Variants in PAK5 observed in about 807,000 individuals in gnomAD.
PAK5 encodes the protein serine/threonine-protein kinase PAK 5.
PAK5 carries 16 observed loss-of-function variants against 65.9 expected under a neutral mutation model. The observed-to-expected ratio is 0.24, with a 90% CI of 0.16 to 0.37. The LOEUF (loss-of-function observed/expected upper bound fraction) is 0.37. PAK5 is among the 10% of genes least tolerant of loss of function. PAK5 has a pLI of 1.00. For missense variants in PAK5, 785 were observed against 903.9 expected (o/e 0.87, Z 1.69); for synonymous variants, 371 against 354.9 (o/e 1.05, Z -0.51).
rs562286213 is a variant in PAK5 at position 9,747,045 on chromosome 20, T to C, written c.-161-35610A>G. On this transcript the variant is annotated intron_variant, in intron 1 of 9. Coordinates refer to ENST00000353224, the MANE Select transcript of PAK5 (RefSeq NM_177990.4). The stretch of plus-strand genomic sequence containing the variant: ...AGGAATACAAATTACCATCAGAGAA[T>C]ACTACAAACACCTCTACGCAAAAAA... 1.6e-3 allele frequency among the ~76,000 whole-genome samples: 242 copies of C among 152,224 alleles called. 2 individuals carry two copies. The highest frequency in any genetic ancestry group is 2.3e-3 in the Non-Finnish European group (154 of 68,012).
At chr20:9,556,404 G>A (rs1003547944) in intron 7 of PAK5, among the ~76,000 whole-genome samples, 2 of 152,212 alleles carry the variant, frequency 1.3e-5, no homozygotes, top group Non-Finnish European at 1.5e-5. Flanking sequence ...AAGCCAAAGT[G>A]CTTGGACAGT....
intron 1 of PAK5, among the ~76,000 whole-genome samples, chr20:9,743,557 G>T (rs1363197201): frequency 6.6e-6 from 1 of 152,050 alleles, no homozygotes; most frequent in Non-Finnish European, 1.5e-5. Flanking sequence ...GCAGAAAAGG[G>T]GATCTTTAGG....
intron 3 of PAK5, among the ~76,000 whole-genome samples, chr20:9,637,227 C>G (rs188556760): frequency 1.3e-5 from 2 of 152,236 alleles, no homozygotes; most frequent in East Asian, 3.9e-4. Context: ...CCAGGTTGGT[C>G]TCAAACTCCT....
intron 1 of PAK5, among the ~76,000 whole-genome samples, chr20:9,754,149 C>A (rs777381507): frequency 1.5e-4 from 23 of 152,116 alleles, no homozygotes; most frequent in Admixed American, 6.6e-5. Context: ...TTGTTGGTAA[C>A]CACTGAAAAT....
chr20:9,559,965 T>C (rs917853053), intron 6 of PAK5, among the ~76,000 whole-genome samples: 7 of 152,222 alleles, frequency 4.6e-5, no homozygotes, highest in Admixed American at 2.6e-4. Context: ...TTACAGTATA[T>C]GCAGCAGGGA....
intron 1 of PAK5, among the ~76,000 whole-genome samples, chr20:9,765,910 G>C (rs1035786732): frequency 2.0e-5 from 3 of 152,078 alleles, no homozygotes; most frequent in African/African-American, 7.2e-5. Context: ...CCCCAAACTG[G>C]TTACTGTTTA....
chr20:9,567,733 G>T (rs1389434300), intron 4 of PAK5, among the ~76,000 whole-genome samples: 1 of 152,156 alleles, frequency 6.6e-6, no homozygotes, highest in Non-Finnish European at 1.5e-5. Context: ...CCCTCCTGGG[G>T]TTTATGCTCC....
chr20:9,644,158 T>G lies in PAK5; in HGVS notation c.171A>C (p.Ser57=), dbSNP rs1202941972. 2 of 1,613,600 alleles carry G rather than the reference T, an allele frequency of 1.2e-6. No individual in the cohort carries two copies. The change falls in exon 3 of 10, where the codon TCA becomes TCC. Residue 57 remains serine (S), a synonymous_variant. Coordinates refer to ENST00000353224, the MANE Select transcript of PAK5 (RefSeq NM_177990.4). Reference sequence around the variant, plus strand: ...GAGCCAGCTGGATGGGTGTGATGCATGAAGGGTCCACCATAGGCTTTGGCC... The same window carrying G: ...GAGCCAGCTGGATGGGTGTGATGCAGGAAGGGTCCACCATAGGCTTTGGCC... ...ANRPKPMVDP[S]CITPIQLAPM...
At chr20:9,719,750 C>T (rs2048192561) in intron 1 of PAK5, among the ~76,000 whole-genome samples, 2 of 152,116 alleles carry the variant, frequency 1.3e-5, no homozygotes, top group African/African-American at 4.8e-5. Flanking sequence ...TGCCTCTGGG[C>T]TTCCTCATCC....
chr20:9,679,953 A>C (rs192531528), intron 2 of PAK5, among the ~76,000 whole-genome samples: 1 of 152,296 alleles, frequency 6.6e-6, no homozygotes, highest in East Asian at 1.9e-4. Context: ...TTCTTTGGAC[A>C]TACTAGTATG....
intron 2 of PAK5, among the ~76,000 whole-genome samples, chr20:9,649,336 C>A (rs1413297520): frequency 6.6e-6 from 1 of 152,112 alleles, no homozygotes; most frequent in Non-Finnish European, 1.5e-5. Context: ...TAAACAGATC[C>A]CAGAATCCTT....
intron 3 of PAK5, among the ~76,000 whole-genome samples, chr20:9,639,379 G>A (rs181431753): frequency 1.3e-3 from 194 of 152,246 alleles, no homozygotes; most frequent in Non-Finnish European, 2.1e-3. Flanking sequence ...AGAAAGATAG[G>A]ATTTGCTTTA....
intron 2 of PAK5, among the ~76,000 whole-genome samples, chr20:9,670,550 G>T (rs1293653772): frequency 1.3e-5 from 2 of 152,144 alleles, no homozygotes; most frequent in Admixed American, 6.5e-5. Context: ...TCATGTGTCT[G>T]TTGGCTGCAT....
At chr20:9,782,852 T>A (rs987978964) in intron 1 of PAK5, among the ~76,000 whole-genome samples, 1 of 152,058 alleles carries the variant, frequency 6.6e-6, no homozygotes, top group Non-Finnish European at 1.5e-5. Flanking sequence ...ACCACCATCG[T>A]CAAACATTTT....
chr20:9,580,346 G>A lies in PAK5; in HGVS notation c.789C>T (p.Asp263=). Residue 263 remains aspartate (D), a synonymous_variant, in exon 4 of 10, where the codon GAC becomes GAT. Coordinates refer to ENST00000353224, the MANE Select transcript of PAK5 (RefSeq NM_177990.4). ...SESEWGPSLD[D]YDRRPKSSYL... ...ACGAAGACTTTGGCCTCCTGTCATA[G>A]TCATCCAGGCTGGGTCCCCATTCAC... is the stretch of plus-strand genomic sequence containing the variant. 1 of 1,614,150 alleles carries A rather than the reference G, an allele frequency of 6.2e-7. No individual in the cohort carries two copies. The highest frequency in any genetic ancestry group is 8.5e-7 in the Non-Finnish European group (1 of 1,180,030).
chr20:9,718,545 G>A (rs987773455), intron 1 of PAK5, among the ~76,000 whole-genome samples: 1 of 151,834 alleles, frequency 6.6e-6, no homozygotes, highest in Non-Finnish European at 1.5e-5. Context: ...TTAATATTGA[G>A]TTCTAGCCAA....
At chr20:9,668,075 A>G (rs896978253) in intron 2 of PAK5, among the ~76,000 whole-genome samples, 1 of 152,166 alleles carries the variant, frequency 6.6e-6, no homozygotes, top group African/African-American at 2.4e-5. Flanking sequence ...GGAAAGAACT[A>G]TTTTCCTTAA....
intron 3 of PAK5, among the ~76,000 whole-genome samples, chr20:9,622,556 C>T (rs1327906652): frequency 2.0e-5 from 3 of 152,158 alleles, no homozygotes; most frequent in African/African-American, 7.2e-5. Context: ...GGACCCATAC[C>T]CGGAGTGTCT....
rs1192586182 is a variant in PAK5, at chr20:9,544,313, A to G, written c.1869+56T>C. ...GTGGTCACCAACTATCTCAGAACCA[A>G]TGGGTCCCTGAGCCTGTCCCCAGTC... On this transcript the variant is annotated intron_variant, in intron 8 of 9. Transcript: ENST00000353224. The G allele has an allele frequency of 8.2e-6, 13 of 1,579,880 alleles. No individual in the cohort carries two copies. The Admixed American group carries it at 1.8e-4, about 21-fold the overall frequency.
Sources: gnomAD v4.1 joint callset for allele counts (sites outside exome capture counted in the v4.1 genomes callset) on GRCh38, gnomAD v4.1.1 for gene constraint, MANE v1.5 for transcripts, NCBI Gene and HGNC (gene_info 2026-07-23, HGNC 2026-07-21) for gene names.